PCIF1: variants seen among roughly 807,000 people sequenced by gnomAD.
The protein encoded by PCIF1 is mRNA (2'-O-methyladenosine-N(6)-)-methyltransferase.
A neutral mutation model predicts 86.9 loss-of-function variants in PCIF1; 12 were observed. That is an observed-to-expected ratio of 0.14 (90% CI 0.09 to 0.22). PCIF1 has a LOEUF of 0.22. Ranked by LOEUF, PCIF1 falls within the 10% of genes least tolerant of loss-of-function variation. The pLI is 1.00. For synonymous variants in PCIF1, 397 were observed against 372.0 expected, an observed-to-expected ratio of 1.07 and a Z score of -0.77; for missense variants, 701 against 951.1, an observed-to-expected ratio of 0.74 and a Z score of 3.46.
At position 45,945,919 on chromosome 20, in the gene PCIF1, C is replaced by G. The variant is rs542416336; in HGVS notation, c.1341+36C>G. On this transcript the variant is annotated intron_variant, in intron 12 of 16. Transcript: ENST00000372409. ...CGGGGAGGAAGGCCCTAGCTGATGG[C>G]ATGAGTCAGGGCCTAGGATCTTTCC... The G allele has an allele frequency of 5.6e-6, 9 of 1,613,170 alleles. No individual in the cohort carries two copies. The East Asian group carries it at 2.0e-4, about 36-fold the overall frequency.
At chr20:45,938,755 A>C (rs1423286716) in intron 2 of PCIF1, among the ~76,000 whole-genome samples, 1 of 152,118 alleles carries the variant, frequency 6.6e-6, no homozygotes, top group African/African-American at 2.4e-5. Flanking sequence ...CAGGCAGAGA[A>C]GAGGGGGAGG....
chr20:45,934,875 G>A (rs1182424306), intron 1 of PCIF1, 71 bp downstream of exon 1: 9 of 397,784 alleles, frequency 2.3e-5, no homozygotes, highest in Non-Finnish European at 4.0e-5. Context: ...GCTGGGGGGC[G>A]GCGGCCCCTC....
intron 1 of PCIF1, among the ~76,000 whole-genome samples, chr20:45,935,254 C>G (rs950840621): frequency 2.0e-5 from 3 of 151,994 alleles, no homozygotes; most frequent in Non-Finnish European, 4.4e-5. Context: ...CGCCTGCGTA[C>G]TTTGTTCGCC....
At chr20:45,946,150 G>C (rs746913127) in intron 13 of PCIF1, 35 bp downstream of exon 13, 2 of 1,614,060 alleles carry the variant, frequency 1.2e-6, no homozygotes, top group African/African-American at 2.7e-5. Flanking sequence ...GGCTCCCCAG[G>C]AGGGAACAGG....
chr20:45,947,557 G>A lies in PCIF1; in HGVS notation c.1917G>A (p.Thr639=), dbSNP rs756903221. ...EEMHYKAVHN[T]AVLFLQNDPG... Reference sequence around the variant, plus strand: ...TGCACTACAAGGCCGTCCACAACACGGCTGTGCTCTTCCTACAGAACGACC... The same window carrying A: ...TGCACTACAAGGCCGTCCACAACACAGCTGTGCTCTTCCTACAGAACGACC... The change falls in exon 17 of 17, where the codon ACG becomes ACA. Residue 639 remains threonine, a synonymous_variant. Transcript: ENST00000372409. The surrounding 1 kb of genome is among the most constrained non-coding windows in gnomAD (Gnocchi z 5.4). 5.0e-6 allele frequency: 8 copies of A among 1,613,712 alleles called. No individual in the cohort carries two copies. Among genetic ancestry groups the A allele is most frequent in the Non-Finnish European group, 6.8e-6 (8 of 1,180,020 alleles).
At position 45,947,607 on chromosome 20, in the gene PCIF1, C is replaced by T. The variant is rs150805893; in HGVS notation, c.1967C>T (p.Thr656Met). ...NDPGFAKWAP[T>M]PERLQELSAA... ...CCTGGCTTTGCCAAGTGGGCGCCGA[C>T]GCCTGAACGGCTGCAGGAGCTGAGT... is the stretch of plus-strand genomic sequence containing the variant. Residue 656 changes from threonine to methionine, a missense_variant, in exon 17 of 17, where the codon ACG becomes ATG. Thr to Met is a moderately conservative substitution (Grantham distance 81). Around this residue, in one of 7 missense-constraint regions of PCIF1, gnomAD observed 174 missense variants for 206.9 expected, o/e 0.84. Transcript: ENST00000372409. This position sits in a 1 kb window ranked among gnomAD's most constrained non-coding sequence, Gnocchi z 5.4. 1.9e-5 allele frequency: 31 copies of T among 1,613,154 alleles called. No homozygotes were observed. Among genetic ancestry groups the T allele is most frequent in the Middle Eastern group, 1.6e-4 (1 of 6,062 alleles).
At chr20:45,946,506 C>G in intron 14 of PCIF1, 122 bp downstream of exon 14, 1 of 1,178,808 alleles carries the variant, frequency 8.5e-7, no homozygotes, top group Non-Finnish European at 1.2e-6. Context: ...CCACCTCTTA[C>G]CGGCTATGTG....
In PCIF1 at chr20:45,940,946, C is replaced by T. The variant is rs760093551; in HGVS notation, c.518+7C>T. The stretch of plus-strand genomic sequence containing the variant: ...CTCTCCTACGACCCACTGAGTGAGT[C>T]CCTGCTGATTGGCTTGGGGGCACCC... On this transcript the variant is annotated splice_region_variant and intron_variant, in intron 6 of 16. Transcript: ENST00000372409. 6.2e-7 allele frequency: 1 copy of T among 1,613,914 alleles called. No individual in the cohort carries two copies. Among genetic ancestry groups the T allele is most frequent in the Non-Finnish European group, 8.5e-7 (1 of 1,179,944 alleles).
Position 45,940,923 on chromosome 20 carries a change from C to A in PCIF1, c.502C>A (p.Leu168Ile). The change falls in exon 6 of 17, where the codon CTC becomes ATC. Residue 168 changes from leucine to isoleucine, a missense_variant. By Grantham distance (5) the Leu-to-Ile change is conservative (BLOSUM62 2). Around this residue, in one of 7 missense-constraint regions of PCIF1, gnomAD observed 125 missense variants for 126.8 expected, o/e 0.99. Transcript: ENST00000372409. ...TSPEDKQQAA[L>I]LRPTEVYWDL... ...CCCTGAAGATAAACAGCAGGCAGCT[C>A]TCCTACGACCCACTGAGTGAGTCCC... 1 of 1,614,154 alleles carries A rather than the reference C, an allele frequency of 6.2e-7. No individual in the cohort carries two copies. The highest frequency in any genetic ancestry group is 8.5e-7 in the Non-Finnish European group (1 of 1,180,010).
At chr20:45,946,414 G>C in intron 14 of PCIF1, 30 bp downstream of exon 14, 4 of 1,605,140 alleles carry the variant, frequency 2.5e-6, no homozygotes, top group Non-Finnish European at 3.4e-6. Context: ...CCTCTACCCA[G>C]GCCAGGGAAG....
At chr20:45,944,789 A>C in intron 10 of PCIF1, 79 bp from the exon 11 acceptor site, 1 of 1,487,376 alleles carries the variant, frequency 6.7e-7, no homozygotes, top group South Asian at 1.3e-5. Flanking sequence ...CTGGACTCCA[A>C]CAGCCCTGCG....
rs1326142651 is a variant in PCIF1 at position 45,947,241 on chromosome 20, C to T, written c.1708-22C>T. 6.2e-7 allele frequency: 1 copy of T among 1,603,032 alleles called. No individual in the cohort carries two copies. The highest frequency in any genetic ancestry group is 2.2e-5 in the East Asian group (1 of 44,654). On this transcript the variant is annotated intron_variant, in intron 15 of 16. Transcript: ENST00000372409. This position sits in a 1 kb window ranked among gnomAD's most constrained non-coding sequence, Gnocchi z 5.4. ...CACCTGGGAGGTAGTCCCTGACATC[C>T]ACCCTGTGTCCCCTTCCACAGAGAC...
chr20:45,941,028 T>C, intron 6 of PCIF1, 25 bp from the exon 7 acceptor site: 1 of 1,614,160 alleles, frequency 6.2e-7, no homozygotes. Context: ...CAGGACATCC[T>C]CATCACTCCT....
Position 45,943,521 on chromosome 20 carries a change from C to A in PCIF1, c.905+98C>A, listed in dbSNP as rs1016105799. ...TCTCATGCAGGGCTGTCATTGCTCTCGGTGGCAGAAGTGGGGCCAGCTCCC... is the reference window on the plus strand; with the variant it reads ...TCTCATGCAGGGCTGTCATTGCTCTAGGTGGCAGAAGTGGGGCCAGCTCCC... On this transcript the variant is annotated intron_variant, in intron 9 of 16. Coordinates refer to ENST00000372409, the MANE Select transcript of PCIF1 (RefSeq NM_022104.4). The surrounding 1 kb of genome is among the most constrained non-coding windows in gnomAD (Gnocchi z 5.5). 17 of 1,378,596 alleles carry A rather than the reference C, an allele frequency of 1.2e-5. No homozygotes were observed. The highest frequency in any genetic ancestry group is 1.6e-5 in the Non-Finnish European group (16 of 994,740). 85.4% of individuals were successfully genotyped at this position (1,378,596 alleles called of 1,614,324 possible).
At chr20:45,939,717 G>C (rs1416102307) in intron 4 of PCIF1, among the ~76,000 whole-genome samples, 1 of 152,242 alleles carries the variant, frequency 6.6e-6, no homozygotes, top group East Asian at 1.9e-4. Context: ...GGGAAGGCAA[G>C]GAGATGGGAA....
rs1568794830 is a variant in PCIF1, at chr20:45,943,508, C to G, written c.905+85C>G. On this transcript the variant is annotated intron_variant, in intron 9 of 16. Transcript: ENST00000372409. The surrounding 1 kb of genome is among the most constrained non-coding windows in gnomAD (Gnocchi z 5.5). Reference sequence around the variant, plus strand: ...CCATCTTGCCCAGTCTCATGCAGGGCTGTCATTGCTCTCGGTGGCAGAAGT... The same window carrying G: ...CCATCTTGCCCAGTCTCATGCAGGGGTGTCATTGCTCTCGGTGGCAGAAGT... The G allele has an allele frequency of 7.1e-7, 1 of 1,414,454 alleles. No individual in the cohort carries two copies. Among genetic ancestry groups the G allele is most frequent in the African/African-American group, 1.4e-5 (1 of 70,340 alleles). 87.6% of individuals were successfully genotyped at this position (1,414,454 alleles called of 1,614,324 possible). A position where few individuals can be genotyped will look rare whatever the true frequency, so the allele number is the denominator to read the frequency against.
Position 45,945,694 on chromosome 20 carries a change from G to T in PCIF1, c.1169-17G>T, listed in dbSNP as rs763331506. 1 of 1,609,472 alleles carries T rather than the reference G, an allele frequency of 6.2e-7. No individual in the cohort carries two copies. The highest frequency in any genetic ancestry group is 2.2e-5 in the East Asian group (1 of 44,706). On this transcript the variant is annotated splice_polypyrimidine_tract_variant and intron_variant, in intron 11 of 16. Coordinates refer to ENST00000372409, the MANE Select transcript of PCIF1 (RefSeq NM_022104.4). ...AGAATGAGGAGTGTGGTCCCTCACT[G>T]CTCTCCCTGCCCACAGAGGAGGTGG...
intron 10 of PCIF1, among the ~76,000 whole-genome samples, chr20:45,944,002 C>T (rs564520633): frequency 7.2e-5 from 11 of 152,226 alleles, no homozygotes; most frequent in Non-Finnish European, 1.0e-4. Flanking sequence ...GAGTCTTATG[C>T]TTGGCCACAC....
chr20:45,939,608 C>G (rs527739135), intron 4 of PCIF1, among the ~76,000 whole-genome samples: 1 of 152,204 alleles, frequency 6.6e-6, no homozygotes, highest in Non-Finnish European at 1.5e-5. Flanking sequence ...TCCCTACGGT[C>G]GCAGAGCACC....
Sources: allele counts gnomAD v4.1 joint callset (sites outside exome capture counted in the v4.1 genomes callset), GRCh38; gene constraint gnomAD v4.1.1; regional missense constraint gnomAD v4.1.1; non-coding constraint Gnocchi (gnomAD v3.1); transcripts MANE v1.5; gene names NCBI Gene and HGNC (gene_info 2026-07-23, HGNC 2026-07-21).